The following PCDHGA7 variants were observed in gnomAD, a reference collection of about 807,000 sequenced individuals.
The protein encoded by PCDHGA7 is protocadherin gamma subfamily A, 7.
A neutral mutation model predicts 58.3 loss-of-function variants in PCDHGA7; 44 were observed. That is an observed-to-expected ratio of 0.75 (90% CI 0.59 to 0.97). The LOEUF is 0.97. Ranked by LOEUF, PCDHGA7 falls within the 50% of genes least tolerant of loss-of-function variation. PCDHGA7 has a pLI of 0.00. For missense variants in PCDHGA7, 1,266 were observed against 1,188.7 expected (o/e 1.06, Z -0.96); for synonymous variants, 516 against 504.2 (o/e 1.02, Z -0.31).
chr5:141,483,401 A>G (rs1052240280), intron 1 of PCDHGA7, among the ~76,000 whole-genome samples: 2 of 152,202 alleles, frequency 1.3e-5, no homozygotes, highest in African/African-American at 4.8e-5. Context: ...TGCTTGAACC[A>G]GCACAGTGGC....
At position 141,511,456 on chromosome 5, in the gene PCDHGA7, C is replaced by A. The variant is rs900802210; in HGVS notation, c.*283C>A. ...TACTGTAGACACCAAGAACCATTTG[C>A]CACACCCCGTTTAGTTACAGCTGAA... On this transcript the variant is annotated 3_prime_UTR_variant, in exon 4 of 4. Transcript: ENST00000518325. 3.4e-6 allele frequency: 2 copies of A among 585,210 alleles called. No homozygotes were observed. The highest frequency in any genetic ancestry group is 5.7e-6 in the Non-Finnish European group (2 of 351,786). 36.3% of individuals were successfully genotyped at this position (585,210 alleles called of 1,614,324 possible).
In PCDHGA7 at chr5:141,431,140, C is replaced by G. The variant is rs145692116; in HGVS notation, c.2424+45817C>G. The G allele has an allele frequency of 6.2e-7, 1 of 1,614,208 alleles. No individual in the cohort carries two copies. The highest frequency in any genetic ancestry group is 1.7e-5 in the Admixed American group (1 of 60,038). On this transcript the variant is annotated intron_variant, in intron 1 of 3. Transcript: ENST00000518325. This position sits in a 1 kb window ranked among gnomAD's most constrained non-coding sequence, Gnocchi z 4.8. The stretch of plus-strand genomic sequence containing the variant: ...TAGAAGTAGAAGTAAGGGACATTAA[C>G]GACAATGCGCCTTACTTTCGTGAAA...
chr5:141,434,650 C>A (rs931043426), intron 1 of PCDHGA7, among the ~76,000 whole-genome samples: 6 of 152,092 alleles, frequency 3.9e-5, no homozygotes, highest in Non-Finnish European at 5.9e-5. Context: ...TTTAGTTAAT[C>A]TAATATCTAT....
In PCDHGA7 at chr5:141,432,661, C is replaced by T; in HGVS notation, c.2424+47338C>T. ...TGCGCACGGCGCGAGCCCTGCTGGACAGAGACGCGCTCAAGCAGAGCCTCG... is the reference window on the plus strand; with the variant it reads ...TGCGCACGGCGCGAGCCCTGCTGGATAGAGACGCGCTCAAGCAGAGCCTCG... On this transcript the variant is annotated intron_variant, in intron 1 of 3. Transcript: ENST00000518325. This position sits in a 1 kb window ranked among gnomAD's most constrained non-coding sequence, Gnocchi z 6.0. 3.1e-6 allele frequency: 5 copies of T among 1,613,886 alleles called. No homozygotes were observed. In the South Asian group the frequency reaches 5.5e-5, roughly 18 times the overall value.
Position 141,422,740 on chromosome 5 carries a change from T to C in PCDHGA7, c.2424+37417T>C, listed in dbSNP as rs536737009. The C allele has an allele frequency of 2.7e-5, 43 of 1,609,962 alleles. 1 individual carries two copies. In the South Asian group the frequency reaches 4.8e-4, roughly 18 times the overall value. On this transcript the variant is annotated intron_variant, in intron 1 of 3. Transcript: ENST00000518325. ...TGTCCAGGGGGTGCCTCTGTCCTCC[T>C]ATGTCTCTATTAACTCCAACACTGG... is the stretch of plus-strand genomic sequence containing the variant.
chr5:141,410,420 C>T (rs1426515605), intron 1 of PCDHGA7: 4 of 1,613,926 alleles, frequency 2.5e-6, no homozygotes, highest in Non-Finnish European at 3.4e-6. Flanking sequence ...ACCTGTAGTT[C>T]CCCCCAACTA....
rs1270613288 is a variant in PCDHGA7 at position 141,383,457 on chromosome 5, C to T, written c.558C>T (p.Asp186=). ...RHFSLAVQSG[D]DETKYPELVL... is the part of the protein sequence containing the mutation. Reference sequence around the variant, plus strand: ...TCTCCCTGGCTGTGCAAAGTGGAGACGATGAAACTAAGTACCCGGAACTGG... The same window carrying T: ...TCTCCCTGGCTGTGCAAAGTGGAGATGATGAAACTAAGTACCCGGAACTGG... Residue 186 remains aspartate, a synonymous_variant, in exon 1 of 4, where the codon GAC becomes GAT. Coordinates refer to ENST00000518325, the MANE Select transcript of PCDHGA7 (RefSeq NM_018920.4). 4 of 1,613,734 alleles carry T rather than the reference C, an allele frequency of 2.5e-6. No homozygotes were observed. Among genetic ancestry groups the T allele is most frequent in the Non-Finnish European group, 3.4e-6 (4 of 1,179,822 alleles).
rs182297545 is a variant in PCDHGA7 at position 141,400,627 on chromosome 5, G to A, written c.2424+15304G>A. ...AAGTCCAATGAGTTGTCTTAGGGAA[G>A]TCAGAGCTGCTCAGAAAGCTGTCCT... On this transcript the variant is annotated intron_variant, in intron 1 of 3. Transcript: ENST00000518325. 46 of 1,441,658 alleles carry A rather than the reference G, an allele frequency of 3.2e-5. 1 individual carries two copies. In the East Asian group the frequency reaches 8.4e-4, roughly 26 times the overall value. 89.3% of individuals were successfully genotyped at this position (1,441,658 alleles called of 1,614,324 possible). A position where few individuals can be genotyped will look rare whatever the true frequency, so the allele number is the denominator to read the frequency against.
rs774113255 is a variant in PCDHGA7 at position 141,405,285 on chromosome 5, C to T, written c.2424+19962C>T. 3.7e-6 allele frequency: 6 copies of T among 1,614,080 alleles called. No individual in the cohort carries two copies. The Admixed American group carries it at 1.0e-4, about 27-fold the overall frequency. On this transcript the variant is annotated intron_variant, in intron 1 of 3. Coordinates refer to ENST00000518325, the MANE Select transcript of PCDHGA7 (RefSeq NM_018920.4). ...TTCCCCCAGCCCAACTATGCAGACACACTCATCAGCCAGCAGAGCTGTGAG... is the reference window on the plus strand; with the variant it reads ...TTCCCCCAGCCCAACTATGCAGACATACTCATCAGCCAGCAGAGCTGTGAG...
Position 141,476,698 on chromosome 5 carries a change from G to T in PCDHGA7, c.2425-18109G>T. The T allele has an allele frequency of 4.3e-6, 7 of 1,614,056 alleles. No homozygotes were observed. Among genetic ancestry groups the T allele is most frequent in the Non-Finnish European group, 5.9e-6 (7 of 1,179,986 alleles). ...CGCGGGAGGACAGCACCAAGTACGC[G>T]GAGCTGGTGTTGGAGCGCGCCCTGG... On this transcript the variant is annotated intron_variant, in intron 1 of 3. Coordinates refer to ENST00000518325, the MANE Select transcript of PCDHGA7 (RefSeq NM_018920.4). The surrounding 1 kb of genome is among the most constrained non-coding windows in gnomAD (Gnocchi z 7.6).
intron 1 of PCDHGA7, among the ~76,000 whole-genome samples, chr5:141,401,463 C>G (rs2094158062): frequency 6.6e-6 from 1 of 152,214 alleles, no homozygotes; most frequent in Admixed American, 6.5e-5. Flanking sequence ...AAATAATTTT[C>G]TAAGTTTATC....
At chr5:141,426,052 G>T (rs2096912121) in intron 1 of PCDHGA7, among the ~76,000 whole-genome samples, 1 of 152,162 alleles carries the variant, frequency 6.6e-6, no homozygotes, top group South Asian at 2.1e-4. Flanking sequence ...TGGCCAATGT[G>T]CTGCAAGAAC....
chr5:141,436,840 C>T (rs1195342311), intron 1 of PCDHGA7, among the ~76,000 whole-genome samples: 1 of 152,220 alleles, frequency 6.6e-6, no homozygotes, highest in Admixed American at 6.5e-5. Flanking sequence ...TGCCTAGGCA[C>T]ATTCTTGATT....
chr5:141,393,443 G>T, intron 1 of PCDHGA7: 1 of 1,614,048 alleles, frequency 6.2e-7, no homozygotes, highest in Non-Finnish European at 8.5e-7. Context: ...CTCACCACCT[G>T]GTCCTCACGG....
intron 1 of PCDHGA7, chr5:141,414,372 A>G: frequency 1.2e-6 from 2 of 1,613,914 alleles, no homozygotes; most frequent in Non-Finnish European, 1.7e-6. Context: ...TTAAATTAGA[A>G]AAGTCCATTG....
chr5:141,384,595 G>A lies in PCDHGA7; in HGVS notation c.1696G>A (p.Ala566Thr). The change falls in exon 1 of 4, where the codon GCC becomes ACC. Residue 566 changes from alanine (A) to threonine (T), a missense_variant. By Grantham distance (58) the Ala-to-Thr change is moderately conservative. Transcript: ENST00000518325. Reference sequence around the variant, plus strand: ...CAACCCGCCCGAGATCCTGTACCCGGCCCTCCCCACAGATGGTTCTACTGG... The same window carrying A: ...CAACCCGCCCGAGATCCTGTACCCGACCCTCCCCACAGATGGTTCTACTGG... The part of the protein sequence containing the change: ...NDNPPEILYP[A>T]LPTDGSTGME... The A allele has an allele frequency of 6.2e-7, 1 of 1,614,198 alleles. No homozygotes were observed. Among genetic ancestry groups the A allele is most frequent in the Non-Finnish European group, 8.5e-7 (1 of 1,180,038 alleles).
At chr5:141,433,318 G>A (rs1659490277) in intron 1 of PCDHGA7, 2 of 788,746 alleles carry the variant, frequency 2.5e-6, no homozygotes, top group Non-Finnish European at 4.0e-6. Context: ...CTTTGCCTCC[G>A]GTGTAACAGG....
chr5:141,498,146 G>A (rs924380243), intron 2 of PCDHGA7, among the ~76,000 whole-genome samples: 1 of 152,200 alleles, frequency 6.6e-6, no homozygotes, highest in Non-Finnish European at 1.5e-5. Context: ...GGACATCCTG[G>A]AAATGAAGTT....
intron 1 of PCDHGA7, among the ~76,000 whole-genome samples, chr5:141,473,298 A>G (rs1033516450): frequency 1.3e-5 from 2 of 152,244 alleles, no homozygotes; most frequent in Non-Finnish European, 2.9e-5. Context: ...AGTAGCATAA[A>G]GATTGCTATA....
Sources: allele counts gnomAD v4.1 joint callset (sites outside exome capture counted in the v4.1 genomes callset), GRCh38; gene constraint gnomAD v4.1.1; non-coding constraint Gnocchi (gnomAD v3.1); transcripts MANE v1.5; gene names NCBI Gene and HGNC (gene_info 2026-07-23, HGNC 2026-07-21).